ZNF704: variants seen among roughly 807,000 people sequenced by gnomAD.
ZNF704 encodes the protein zinc finger protein 704.
Under a neutral mutation model 44.7 loss-of-function variants are expected in ZNF704, and 10 were observed. The ratio of observed to expected loss-of-function variants is 0.22; its 90% CI spans 0.14 to 0.38. The LOEUF is 0.38. Ranked by LOEUF, ZNF704 falls within the 10% of genes least tolerant of loss-of-function variation. ZNF704 has a pLI of 1.00. For missense variants in ZNF704, 390 were observed against 545.5 expected (o/e 0.71, Z 2.84); for synonymous variants, 211 against 207.6 (o/e 1.02, Z -0.14).
intron 2 of ZNF704, among the ~76,000 whole-genome samples, chr8:80,805,403 T>C (rs1003204777): frequency 1.3e-5 from 2 of 152,314 alleles, no homozygotes; most frequent in Non-Finnish European, 2.9e-5. Flanking sequence ...CAAGTCACTA[T>C]AGCCATCAAC....
chr8:80,692,268 A>G (rs1266826074), intron 3 of ZNF704, among the ~76,000 whole-genome samples: 1 of 152,230 alleles, frequency 6.6e-6, no homozygotes, highest in Non-Finnish European at 1.5e-5. Context: ...AAAGATATGG[A>G]GAATTTCAGT....
chr8:80,765,698 AGGGATTTTGACCTTTT>A (rs1488393490), intron 2 of ZNF704, among the ~76,000 whole-genome samples: 1 of 152,162 alleles, frequency 6.6e-6, no homozygotes, highest in Non-Finnish European at 1.5e-5. Context: ...TTTACAGTTT[AGGGATTTTGACCTTTT>A]GGGATTTTGA....
At chr8:80,719,238 C>A (rs192683504) in intron 2 of ZNF704, among the ~76,000 whole-genome samples, 7 of 152,242 alleles carry the variant, frequency 4.6e-5, no homozygotes, top group Non-Finnish European at 1.0e-4. Flanking sequence ...GCTGGGATTA[C>A]AGGTGTGAGC....
At chr8:80,809,508 T>C (rs1022693741) in intron 2 of ZNF704, among the ~76,000 whole-genome samples, 3 of 152,126 alleles carry the variant, frequency 2.0e-5, no homozygotes, top group African/African-American at 7.2e-5. Flanking sequence ...AAGAAGTGAG[T>C]GTTTGCCAAA....
At chr8:80,697,922 G>C (rs1233084797) in intron 2 of ZNF704, among the ~76,000 whole-genome samples, 1 of 152,198 alleles carries the variant, frequency 6.6e-6, no homozygotes, top group Admixed American at 6.5e-5. Flanking sequence ...CTATAACTCT[G>C]TAAGAGCTGG....
chr8:80,771,295 A>T (rs1807315297), intron 2 of ZNF704, among the ~76,000 whole-genome samples: 1 of 150,740 alleles, frequency 6.6e-6, no homozygotes, highest in African/African-American at 2.5e-5. Context: ...TTTTTGTGAG[A>T]ATTGACTATT....
chr8:80,751,027 G>C (rs1358782924), intron 2 of ZNF704, among the ~76,000 whole-genome samples: 1 of 152,120 alleles, frequency 6.6e-6, no homozygotes, highest in Non-Finnish European at 1.5e-5. Flanking sequence ...TCTTGTGTGG[G>C]AAAATGTTTA....
At chr8:80,656,182 G>A (rs1021949547) in intron 7 of ZNF704, among the ~76,000 whole-genome samples, 1 of 151,958 alleles carries the variant, frequency 6.6e-6, no homozygotes, top group Non-Finnish European at 1.5e-5. Flanking sequence ...TCTCTCTCTC[G>A]ATTTCTCTCT....
At chr8:80,801,292 T>G (rs1208037268) in intron 2 of ZNF704, among the ~76,000 whole-genome samples, 4 of 152,172 alleles carry the variant, frequency 2.6e-5, no homozygotes, top group Non-Finnish European at 1.5e-5. Context: ...ATTCAGGACT[T>G]GAACTCAGCT....
At chr8:80,701,396 G>A (rs990919115) in intron 2 of ZNF704, among the ~76,000 whole-genome samples, 4 of 151,812 alleles carry the variant, frequency 2.6e-5, no homozygotes, top group Non-Finnish European at 5.9e-5. Context: ...AGATTATAGA[G>A]AGAATTGAGG....
chr8:80,739,731 G>A (rs917822497), intron 2 of ZNF704, among the ~76,000 whole-genome samples: 1 of 152,108 alleles, frequency 6.6e-6, no homozygotes, highest in Non-Finnish European at 1.5e-5. Context: ...CTGGAAAAGG[G>A]AAGAGCTGGG....
At chr8:80,712,418 T>A (rs1021321419) in intron 2 of ZNF704, among the ~76,000 whole-genome samples, 6 of 152,132 alleles carry the variant, frequency 3.9e-5, no homozygotes, top group East Asian at 3.9e-4. Flanking sequence ...CTATTTTTTT[T>A]AAAAAGGGAA....
chr8:80,831,036 G>A (rs58883125), intron 1 of ZNF704, among the ~76,000 whole-genome samples: 25,335 of 151,904 alleles, frequency 0.17, 2,421 homozygotes, highest in African/African-American at 0.26. Flanking sequence ...ATACAAGCGT[G>A]AGCCACTGCA....
At chr8:80,765,251 G>T (rs1807209285) in intron 2 of ZNF704, among the ~76,000 whole-genome samples, 1 of 152,116 alleles carries the variant, frequency 6.6e-6, no homozygotes, top group Non-Finnish European at 1.5e-5. Context: ...TTCTGTATTT[G>T]TTCTCTCCAG....
intron 2 of ZNF704, among the ~76,000 whole-genome samples, chr8:80,751,138 T>A (rs904743404): frequency 3.9e-5 from 6 of 152,186 alleles, no homozygotes; most frequent in Non-Finnish European, 8.8e-5. Context: ...ACATATTTAT[T>A]AGAAAAGAGG....
At chr8:80,842,794 T>C (rs575832951) in intron 1 of ZNF704, among the ~76,000 whole-genome samples, 32 of 152,304 alleles carry the variant, frequency 2.1e-4, no homozygotes, top group Non-Finnish European at 3.8e-4. Context: ...AGAACCACAG[T>C]GGAAGATGGA....
At chr8:80,753,998 C>CA (rs983010851) in intron 2 of ZNF704, among the ~76,000 whole-genome samples, 19 of 152,080 alleles carry the variant, frequency 1.2e-4, no homozygotes. Context: ...TTAGTGTGTA[C>CA]ACCCTAAGCA....
intron 2 of ZNF704, among the ~76,000 whole-genome samples, chr8:80,772,255 T>C (rs2129664171): frequency 6.6e-6 from 1 of 152,346 alleles, no homozygotes; most frequent in East Asian, 1.9e-4. Flanking sequence ...GTTCTCTTTT[T>C]ATTTTTTGGA....
chr8:80,711,493 A>G (rs1227918555), intron 2 of ZNF704, among the ~76,000 whole-genome samples: 1 of 152,240 alleles, frequency 6.6e-6, no homozygotes, highest in Non-Finnish European at 1.5e-5. Context: ...CAGTGGGTTA[A>G]CAGATTCTTT....
Sources: gnomAD v4.1 joint callset for allele counts (sites outside exome capture counted in the v4.1 genomes callset) on GRCh38, gnomAD v4.1.1 for gene constraint, MANE v1.5 for transcripts, NCBI Gene and HGNC (gene_info 2026-07-23, HGNC 2026-07-21) for gene names.